Variants in CTNNA3 observed in about 807,000 individuals in gnomAD.
The protein encoded by CTNNA3 is catenin alpha 3, also known as catenin alpha-3.
Under a neutral mutation model 95.7 loss-of-function variants are expected in CTNNA3, and 76 were observed. That is an observed-to-expected ratio of 0.79 (90% CI 0.66 to 0.96). CTNNA3 has a LOEUF of 0.96. Ranked by LOEUF, CTNNA3 falls within the 40% of genes least tolerant of loss-of-function variation. CTNNA3 has a pLI of 0.00. For synonymous variants in CTNNA3, 431 were observed against 374.4 expected, an observed-to-expected ratio of 1.15 and a Z score of -1.74; for missense variants, 1,191 against 1,089.8, an observed-to-expected ratio of 1.09 and a Z score of -1.31.
chr10:67,577,461 T>C (rs1485721954), intron 3 of CTNNA3, among the ~76,000 whole-genome samples: 1 of 152,174 alleles, frequency 6.6e-6, no homozygotes, highest in Non-Finnish European at 1.5e-5. Flanking sequence ...GAAAATTTTC[T>C]CCCATTTTGT....
intron 15 of CTNNA3, among the ~76,000 whole-genome samples, chr10:66,010,982 T>G (rs2078994973): frequency 6.6e-6 from 1 of 152,198 alleles, no homozygotes; most frequent in African/African-American, 2.4e-5. Flanking sequence ...TAGCAATGAA[T>G]AGGTTAATGT....
intron 12 of CTNNA3, among the ~76,000 whole-genome samples, chr10:66,343,554 A>T (rs940584346): frequency 6.6e-6 from 1 of 152,048 alleles, no homozygotes; most frequent in African/African-American, 2.4e-5. Context: ...GTAAAAGAAC[A>T]GAGGATACTG....
intron 12 of CTNNA3, among the ~76,000 whole-genome samples, chr10:66,351,104 C>A (rs1273842111): frequency 6.6e-6 from 1 of 152,006 alleles, no homozygotes; most frequent in Non-Finnish European, 1.5e-5. Flanking sequence ...CCAACAATCT[C>A]ATTTCCCATT....
chr10:67,533,619 C>T (rs980062932), intron 4 of CTNNA3, among the ~76,000 whole-genome samples: 1 of 152,058 alleles, frequency 6.6e-6, no homozygotes, highest in Non-Finnish European at 1.5e-5. Context: ...AGGAACTAGA[C>T]ACGTTTAAAA....
chr10:66,946,507 C>G (rs1235238468), intron 7 of CTNNA3, among the ~76,000 whole-genome samples: 2 of 152,094 alleles, frequency 1.3e-5, no homozygotes, highest in Non-Finnish European at 2.9e-5. Flanking sequence ...CAGAACACAT[C>G]AGCAGTGTTT....
At position 67,019,409 on chromosome 10, in the gene CTNNA3, G is replaced by A. The variant is rs79133803; in HGVS notation, c.1047+160908C>T. Among the ~76,000 whole-genome samples, 1,165 of 152,066 alleles carry A rather than the reference G, an allele frequency of 7.7e-3. 40 individuals carry two copies. In the East Asian group the frequency reaches 0.11, roughly 14 times the overall value. On this transcript the variant is annotated intron_variant, in intron 7 of 17. Transcript: ENST00000433211. Reference sequence around the variant, plus strand: ...AATTTTGTGTTTTTAGTAGAGACAGGGTTTCTCCACATTGGTCAAGCTGGT... The same window carrying A: ...AATTTTGTGTTTTTAGTAGAGACAGAGTTTCTCCACATTGGTCAAGCTGGT...
intron 17 of CTNNA3, among the ~76,000 whole-genome samples, chr10:65,939,313 T>C (rs995637321): frequency 1.3e-5 from 2 of 152,228 alleles, no homozygotes; most frequent in Non-Finnish European, 2.9e-5. Flanking sequence ...AATTTCTTTG[T>C]GCAGTATGCA....
At chr10:67,632,313 A>T (rs910887294) in intron 2 of CTNNA3, among the ~76,000 whole-genome samples, 89 of 79,110 alleles carry the variant, frequency 1.1e-3, no homozygotes, top group African/African-American at 7.3e-3. Context: ...TAAATATATT[A>T]AAAAAAAAAA....
At chr10:67,551,456 G>A (rs1841028975) in intron 3 of CTNNA3, among the ~76,000 whole-genome samples, 1 of 152,158 alleles carries the variant, frequency 6.6e-6, no homozygotes, top group Admixed American at 6.5e-5. Context: ...CCAAGCCCAT[G>A]TGTGATCCAA....
intron 7 of CTNNA3, among the ~76,000 whole-genome samples, chr10:67,003,990 G>A (rs531977201): frequency 7.2e-5 from 11 of 152,142 alleles, no homozygotes; most frequent in Non-Finnish European, 1.2e-4. Context: ...CTTATATTCT[G>A]AAGCAACAAT....
At chr10:67,381,920 G>T (rs1238620431) in intron 5 of CTNNA3, among the ~76,000 whole-genome samples, 1 of 151,862 alleles carries the variant, frequency 6.6e-6, no homozygotes, top group Non-Finnish European at 1.5e-5. Context: ...TCACTATCCA[G>T]CTCTGAGCAT....
chr10:66,871,708 G>A lies in CTNNA3; in HGVS notation c.1048-96184C>T, dbSNP rs140921656. 5.7e-3 allele frequency among the ~76,000 whole-genome samples: 862 copies of A among 152,172 alleles called. 5 individuals carry two copies. The highest frequency in any genetic ancestry group is 0.02 in the African/African-American group (813 of 41,516). On this transcript the variant is annotated intron_variant, in intron 7 of 17. Coordinates refer to ENST00000433211, the MANE Select transcript of CTNNA3 (RefSeq NM_013266.4). ...GCTGTTGAAGTACATGTACTGTTCT[G>A]GAATCTTTACATTGAACAACCACAG...
chr10:67,169,914 TAAAC>T (rs1174119668), intron 7 of CTNNA3, among the ~76,000 whole-genome samples: 2 of 152,016 alleles, frequency 1.3e-5, no homozygotes, highest in African/African-American at 4.8e-5. Context: ...ATAAGAGACT[TAAAC>T]AAATTGACAA....
chr10:66,352,662 ACT>A (rs1191919705), intron 12 of CTNNA3, among the ~76,000 whole-genome samples: 1 of 152,024 alleles, frequency 6.6e-6, no homozygotes, highest in Non-Finnish European at 1.5e-5. Context: ...TGGCACAGAG[ACT>A]CTCACTTCTT....
chr10:65,951,796 G>C (rs1044972588), intron 17 of CTNNA3, among the ~76,000 whole-genome samples: 1 of 152,180 alleles, frequency 6.6e-6, no homozygotes, highest in Non-Finnish European at 1.5e-5. Flanking sequence ...TTGGGAGGCC[G>C]AGGTGAGCGG....
chr10:66,645,478 A>G (rs1405905653), intron 9 of CTNNA3, among the ~76,000 whole-genome samples: 1 of 152,108 alleles, frequency 6.6e-6, no homozygotes, highest in African/African-American at 2.4e-5. Context: ...TCTTTCTTCT[A>G]TTAAATTGGT....
chr10:66,491,877 T>C (rs1054423949), intron 11 of CTNNA3, among the ~76,000 whole-genome samples: 2 of 152,158 alleles, frequency 1.3e-5, no homozygotes, highest in Non-Finnish European at 2.9e-5. Context: ...GGCCATGATA[T>C]CAGTCTCTTT....
intron 1 of CTNNA3, among the ~76,000 whole-genome samples, chr10:67,695,355 C>T (rs549669210): frequency 6.6e-6 from 1 of 152,262 alleles, no homozygotes; most frequent in African/African-American, 2.4e-5. Context: ...ACAGCAGCTG[C>T]TCACAATCAT....
At chr10:67,088,977 T>C (rs906457596) in intron 7 of CTNNA3, among the ~76,000 whole-genome samples, 1 of 152,050 alleles carries the variant, frequency 6.6e-6, no homozygotes, top group Non-Finnish European at 1.5e-5. Context: ...TACAGTATAA[T>C]GACTACTTAG....
Sources: gnomAD v4.1 joint callset for allele counts (sites outside exome capture counted in the v4.1 genomes callset) on GRCh38, gnomAD v4.1.1 for gene constraint, MANE v1.5 for transcripts, NCBI Gene and HGNC (gene_info 2026-07-23, HGNC 2026-07-21) for gene names.